Variants in SLCO5A1 observed in about 807,000 individuals in gnomAD.
The protein encoded by SLCO5A1 is solute carrier organic anion transporter family member 5A1.
In SLCO5A1, 39 loss-of-function variants were observed where a neutral mutation model predicts 65.1. The observed-to-expected ratio is 0.60, with a 90% CI of 0.46 to 0.78. The LOEUF (loss-of-function observed/expected upper bound fraction) is 0.78. Among genes scored for constraint, SLCO5A1 ranks in the 30% least tolerant of loss-of-function variants. The pLI is 0.00. For missense variants in SLCO5A1, 1,029 were observed against 1,069.4 expected (o/e 0.96, Z 0.53); for synonymous variants, 438 against 415.7 (o/e 1.05, Z -0.65).
intron 8 of SLCO5A1, 72 bp from the exon 9 acceptor site, chr8:69,676,745 G>T: frequency 7.3e-7 from 1 of 1,362,858 alleles, no homozygotes; most frequent in Non-Finnish European, 1.0e-6. Context: ...AATCAAGTCG[G>T]CTTTGTGCAG....
chr8:69,673,408 T>C (rs946318032), intron 9 of SLCO5A1, 82 bp from the exon 10 acceptor site: 1 of 1,249,024 alleles, frequency 8.0e-7, no homozygotes, highest in Non-Finnish European at 1.1e-6. Flanking sequence ...GCAAGGTACT[T>C]GTGTGCTCTA....
chr8:69,689,387 G>A (rs1190355033), intron 6 of SLCO5A1, among the ~76,000 whole-genome samples: 1 of 101,972 alleles, frequency 9.8e-6, no homozygotes, highest in Non-Finnish European at 1.9e-5. Flanking sequence ...CATTGCTTTT[G>A]GTGTTTTAGA....
rs1057054252 is a variant in SLCO5A1, at chr8:69,669,280, C to CA, written c.*3588dup. ...TTTCCTACAGTTTTTTTTATTTACACAAAAAAACCTCTCTACTCTTCATAA... is the reference window on the plus strand; with the variant it reads ...TTTCCTACAGTTTTTTTTATTTACACAAAAAAAACCTCTCTACTCTTCATAA... On this transcript the variant is annotated 3_prime_UTR_variant, in exon 10 of 10. Transcript: ENST00000260126. 2.0e-5 allele frequency: 3 copies of CA among 151,712 alleles called. No individual in the cohort carries two copies. The highest frequency in any genetic ancestry group is 6.6e-5 in the Admixed American group (1 of 15,262). The allele number at this position is 151,712 out of a possible 1,614,324, so 9.4% of individuals were successfully genotyped here. A position where few individuals can be genotyped will look rare whatever the true frequency, so the allele number is the denominator to read the frequency against.
At position 69,679,523 on chromosome 8, in the gene SLCO5A1, T is replaced by A. The variant is rs1329975018; in HGVS notation, c.1879A>T (p.Lys627Ter). Residue 627 changes from lysine to a stop codon, truncating the protein, a stop_gained, in exon 8 of 10, where the codon AAG becomes TAG. Coordinates refer to ENST00000260126, the MANE Select transcript of SLCO5A1 (RefSeq NM_030958.3). LOFTEE classifies it high-confidence loss of function. ...TAGCCGTTCTCATTGAGATAAGTCTTGACAATAACCACACGGAGCTGACTT... is the reference window on the plus strand; with the variant it reads ...TAGCCGTTCTCATTGAGATAAGTCTAGACAATAACCACACGGAGCTGACTT... ...QRSQLRVVIVKTYLNENGYAV... is the reference protein window; with the variant it reads ...QRSQLRVVIV 1 of 1,614,194 alleles carries A rather than the reference T, an allele frequency of 6.2e-7. No individual in the cohort carries two copies.
At chr8:69,788,371 A>G (rs1210401198) in intron 2 of SLCO5A1, among the ~76,000 whole-genome samples, 2 of 152,228 alleles carry the variant, frequency 1.3e-5, no homozygotes, top group Non-Finnish European at 2.9e-5. Flanking sequence ...GGACTTGTAT[A>G]CTGAGACCTG....
intron 3 of SLCO5A1, chr8:69,761,380 C>A (rs1817766535): frequency 5.1e-6 from 1 of 194,898 alleles, no homozygotes; most frequent in African/African-American, 2.4e-5. Context: ...CCCCTTCCTC[C>A]ATCTTCAAGG....
chr8:69,749,592 C>T (rs914928873), intron 4 of SLCO5A1, among the ~76,000 whole-genome samples: 2 of 150,154 alleles, frequency 1.3e-5, no homozygotes, highest in Non-Finnish European at 3.0e-5. Flanking sequence ...CACTCCAGAG[C>T]AAGACAGAGT....
chr8:69,761,222 A>G (rs1253572125), intron 3 of SLCO5A1: 4 of 157,330 alleles, frequency 2.5e-5, no homozygotes, highest in African/African-American at 9.6e-5. Flanking sequence ...GTTACCACAC[A>G]CTTCGTGGCT....
intron 2 of SLCO5A1, 66 bp from the exon 3 acceptor site, chr8:69,761,941 T>C: frequency 6.4e-7 from 1 of 1,573,148 alleles, no homozygotes. Context: ...AGTTCTCTCA[T>C]TTCACTCTCA....
rs190570613 is a variant in SLCO5A1, at chr8:69,738,166, T to C, written c.1297A>G (p.Thr433Ala). 39 of 1,613,414 alleles carry C rather than the reference T, an allele frequency of 2.4e-5. No individual in the cohort carries two copies. The East Asian group carries it at 8.3e-4, about 34-fold the overall frequency. Residue 433 changes from threonine to alanine, a missense_variant, in exon 5 of 10, where the codon ACA becomes GCA. Physicochemically the swap from Thr to Ala is moderately conservative, Grantham distance 58 (BLOSUM62 0). Coordinates refer to ENST00000260126, the MANE Select transcript of SLCO5A1 (RefSeq NM_030958.3). ...TATGACAAACTCACAAAAAGGAATG[T>C]CATGTTGCTTAAGATCCTGACAGCT... The part of the protein sequence containing the change: ...RAAVRILSNM[T>A]FLFVSLSYTA...
intron 6 of SLCO5A1, among the ~76,000 whole-genome samples, chr8:69,701,092 C>G (rs1436774240): frequency 2.0e-5 from 3 of 152,078 alleles, no homozygotes; most frequent in African/African-American, 7.2e-5. Flanking sequence ...ACAGATGACT[C>G]CAAGGAGTGG....
At chr8:69,730,853 G>A (rs1313551347) in intron 5 of SLCO5A1, among the ~76,000 whole-genome samples, 3 of 152,124 alleles carry the variant, frequency 2.0e-5, no homozygotes, top group African/African-American at 7.2e-5. Flanking sequence ...GAGCTCGGCT[G>A]TTGAAACTGG....
chr8:69,798,835 C>T (rs904924094), intron 2 of SLCO5A1, among the ~76,000 whole-genome samples: 4 of 152,222 alleles, frequency 2.6e-5, no homozygotes, highest in Non-Finnish European at 5.9e-5. Context: ...TAAAGAAAGG[C>T]TTTCCATAGA....
intron 5 of SLCO5A1, among the ~76,000 whole-genome samples, chr8:69,710,179 C>A (rs1293532802): frequency 6.6e-6 from 1 of 151,972 alleles, no homozygotes; most frequent in Non-Finnish European, 1.5e-5. Flanking sequence ...CAACCACGAC[C>A]GGCTAATTTT....
At chr8:69,804,330 G>A (rs1014702915) in intron 2 of SLCO5A1, among the ~76,000 whole-genome samples, 1 of 151,634 alleles carries the variant, frequency 6.6e-6, no homozygotes, top group African/African-American at 2.4e-5. Context: ...TTTGTTTTTA[G>A]AAGGAGTCTC....
chr8:69,824,602 C>A (rs1347243742), intron 2 of SLCO5A1, among the ~76,000 whole-genome samples: 1 of 152,100 alleles, frequency 6.6e-6, no homozygotes, highest in Non-Finnish European at 1.5e-5. Flanking sequence ...CTGAATAGAC[C>A]AATAACAGGA....
intron 4 of SLCO5A1, among the ~76,000 whole-genome samples, chr8:69,750,668 TC>T (rs1817256033): frequency 6.6e-6 from 1 of 152,178 alleles, no homozygotes; most frequent in Non-Finnish European, 1.5e-5. Flanking sequence ...ATCCTCCCAG[TC>T]TTTCAAGGTT....
intron 2 of SLCO5A1, among the ~76,000 whole-genome samples, chr8:69,775,531 G>A (rs1418677205): frequency 6.6e-6 from 1 of 152,142 alleles, no homozygotes; most frequent in African/African-American, 2.4e-5. Context: ...TCTTCAGGAA[G>A]GAGTACGGGG....
At chr8:69,760,301 T>A (rs1817710829) in intron 3 of SLCO5A1, among the ~76,000 whole-genome samples, 1 of 152,232 alleles carries the variant, frequency 6.6e-6, no homozygotes. Flanking sequence ...TCCCTAATGC[T>A]GACAGGGGAA....
Sources: gnomAD v4.1 joint callset for allele counts (sites outside exome capture counted in the v4.1 genomes callset) on GRCh38, gnomAD v4.1.1 for gene constraint, MANE v1.5 for transcripts, NCBI Gene and HGNC (gene_info 2026-07-23, HGNC 2026-07-21) for gene names.